The following CEP112 variants were observed in gnomAD, a reference collection of about 807,000 sequenced individuals.
The protein encoded by CEP112 is centrosomal protein of 112 kDa.
CEP112 carries 127 observed loss-of-function variants against 153.0 expected under a neutral mutation model. The ratio of observed to expected loss-of-function variants is 0.83; its 90% CI spans 0.72 to 0.96. The LOEUF (loss-of-function observed/expected upper bound fraction) is 0.96, where lower values mean the gene tolerates loss of function less well. Among genes scored for constraint, CEP112 ranks in the 40% least tolerant of loss-of-function variants. The pLI is 0.00. For missense variants in CEP112, 1,089 were observed against 1,101.2 expected, an observed-to-expected ratio of 0.99 and a Z score of 0.16; for synonymous variants, 358 against 374.4, an observed-to-expected ratio of 0.96 and a Z score of 0.51.
intron 20 of CEP112, among the ~76,000 whole-genome samples, chr17:65,887,032 C>G: frequency 6.6e-6 from 1 of 151,994 alleles, no homozygotes; most frequent in East Asian, 1.9e-4. Flanking sequence ...TTGATTTGTT[C>G]TGTGAAATTG....
At chr17:65,974,603 G>A (rs746026996) in intron 17 of CEP112, among the ~76,000 whole-genome samples, 3 of 152,144 alleles carry the variant, frequency 2.0e-5, no homozygotes, top group African/African-American at 4.8e-5. Context: ...GGAACAACCT[G>A]TATACCCATA....
rs966673181 is a variant in CEP112, at chr17:65,739,633, G to A, written c.2607+3435C>T. Among the ~76,000 whole-genome samples, 2 of 152,060 alleles carry A rather than the reference G, an allele frequency of 1.3e-5. 1 individual carries two copies. Among genetic ancestry groups the A allele is most frequent in the Non-Finnish European group, 2.9e-5 (2 of 68,026 alleles). On this transcript the variant is annotated intron_variant, in intron 23 of 26. Coordinates refer to ENST00000535342, the MANE Select transcript of CEP112 (RefSeq NM_001199165.4). ...CACCTGTAATCTCAGCTGCTTGGGA[G>A]GCTGAGGCAGGAGAATTGCTTGAAC...
intron 18 of CEP112, among the ~76,000 whole-genome samples, chr17:65,933,250 C>T (rs2061187520): frequency 1.3e-5 from 2 of 152,002 alleles, no homozygotes; most frequent in Middle Eastern, 3.4e-3. Context: ...AGAGAAATGC[C>T]CCCCAAAAAA....
At chr17:65,684,872 G>A (rs1285358494) in intron 24 of CEP112, among the ~76,000 whole-genome samples, 3 of 152,078 alleles carry the variant, frequency 2.0e-5, no homozygotes, top group African/African-American at 2.4e-5. Flanking sequence ...TCTGACTCAA[G>A]CTCTGATCTC....
intron 16 of CEP112, among the ~76,000 whole-genome samples, chr17:66,015,086 C>T (rs2064713989): frequency 6.6e-6 from 1 of 152,300 alleles, no homozygotes; most frequent in South Asian, 2.1e-4. Flanking sequence ...AAATATTTCA[C>T]AATTATTTTT....
chr17:66,042,820 T>C (rs1638958433), intron 12 of CEP112, among the ~76,000 whole-genome samples: 2 of 147,620 alleles, frequency 1.4e-5, no homozygotes, highest in Non-Finnish European at 3.0e-5. Flanking sequence ...TCTTCTTAAA[T>C]TTTCTGTAAA....
intron 26 of CEP112, 45 bp from the exon 27 acceptor site, chr17:65,636,019 G>C: frequency 6.3e-7 from 1 of 1,577,754 alleles, no homozygotes; most frequent in South Asian, 1.2e-5. Context: ...AGGTTTAACA[G>C]GTATGTCAAT....
At chr17:66,153,137 T>C (rs2071278170) in intron 4 of CEP112, among the ~76,000 whole-genome samples, 1 of 152,236 alleles carries the variant, frequency 6.6e-6, no homozygotes, top group Admixed American at 6.5e-5. Context: ...AAGAGTTTGA[T>C]GATTTTTTAA....
intron 17 of CEP112, among the ~76,000 whole-genome samples, chr17:65,969,069 T>G (rs1442838153): frequency 7.6e-6 from 1 of 130,878 alleles, no homozygotes; most frequent in African/African-American, 2.9e-5. Context: ...TTTTTGTTTT[T>G]TTGTGTGTGT....
chr17:66,027,027 TA>T lies in CEP112; in HGVS notation c.1656+473del, dbSNP rs546758039. ...TGAACTGAAGCAGTTGTTTATTATATAAACAGGAAAAATAAGCAAAATTTAA... is the reference window on the plus strand; with the variant it reads ...TGAACTGAAGCAGTTGTTTATTATATAACAGGAAAAATAAGCAAAATTTAA... On this transcript the variant is annotated intron_variant, in intron 16 of 26. Transcript: ENST00000535342. Among the ~76,000 whole-genome samples, 3 of 152,326 alleles carry T rather than the reference TA, an allele frequency of 2.0e-5. No homozygotes were observed. In the South Asian group the frequency reaches 6.2e-4, roughly 32 times the overall value.
At chr17:65,666,456 C>T (rs1157466138) in intron 24 of CEP112, among the ~76,000 whole-genome samples, 1 of 152,182 alleles carries the variant, frequency 6.6e-6, no homozygotes. Flanking sequence ...TCATTGGTCC[C>T]TTGTGCTGGG....
chr17:65,826,179 G>A, intron 21 of CEP112: 1 of 1,614,098 alleles, frequency 6.2e-7, no homozygotes, highest in African/African-American at 1.3e-5. Context: ...TCCCTCAGAG[G>A]CTTCAAACTT....
rs756263613 is a variant in CEP112, at chr17:66,132,727, T to C, written c.507A>G (p.Ser169=). ...CTCTGTGAGTTGGACTCAAGGAGTG[T>C]GATCTCACTCGGAGCTTCCCAGTGT... is the stretch of plus-strand genomic sequence containing the variant. ...EQYTGKLRVR[S]HSLSPTHRED... is the part of the protein sequence containing the mutation. The change falls in exon 5 of 27, where the codon TCA becomes TCG. Residue 169 remains serine (S), a synonymous_variant. Coordinates refer to ENST00000535342, the MANE Select transcript of CEP112 (RefSeq NM_001199165.4). 1.9e-6 allele frequency: 3 copies of C among 1,613,850 alleles called. No homozygotes were observed. Among genetic ancestry groups the C allele is most frequent in the Non-Finnish European group, 2.5e-6 (3 of 1,179,826 alleles).
chr17:66,108,066 T>A (rs2068861459), intron 6 of CEP112, among the ~76,000 whole-genome samples: 1 of 152,124 alleles, frequency 6.6e-6, no homozygotes, highest in South Asian at 2.1e-4. Context: ...CTCTCCTCAA[T>A]AAATGATGCT....
intron 6 of CEP112, among the ~76,000 whole-genome samples, chr17:66,120,025 AG>A (rs1357064041): frequency 6.6e-6 from 1 of 152,156 alleles, no homozygotes; most frequent in Non-Finnish European, 1.5e-5. Context: ...TTCTGGATAA[AG>A]GTATTTGCCA....
chr17:65,963,474 TATC>T (rs930150001), intron 17 of CEP112, among the ~76,000 whole-genome samples: 1 of 152,114 alleles, frequency 6.6e-6, no homozygotes, highest in African/African-American at 2.4e-5. Flanking sequence ...AGAACGTACA[TATC>T]ATATATCAAA....
chr17:65,746,870 G>A (rs2145205174), intron 22 of CEP112, among the ~76,000 whole-genome samples: 1 of 152,142 alleles, frequency 6.6e-6, no homozygotes, highest in African/African-American at 2.4e-5. Flanking sequence ...TCAACTAAAT[G>A]TTTATACTGT....
At chr17:65,994,832 G>A (rs1435482770) in intron 17 of CEP112, among the ~76,000 whole-genome samples, 1 of 152,256 alleles carries the variant, frequency 6.6e-6, no homozygotes, top group South Asian at 2.1e-4. Context: ...ATCATTTGGG[G>A]CAGTTCATTT....
intron 24 of CEP112, among the ~76,000 whole-genome samples, chr17:65,665,454 G>A (rs571819357): frequency 6.6e-6 from 1 of 152,330 alleles, no homozygotes; most frequent in Non-Finnish European, 1.5e-5. Context: ...CTAGGTCTCT[G>A]CTAGAATTAG....
Sources: gnomAD v4.1 joint callset for allele counts (sites outside exome capture counted in the v4.1 genomes callset) on GRCh38, gnomAD v4.1.1 for gene constraint, MANE v1.5 for transcripts, NCBI Gene and HGNC (gene_info 2026-07-23, HGNC 2026-07-21) for gene names.